Variants in LAMA4 observed in about 807,000 individuals in gnomAD.
LAMA4 encodes the protein laminin subunit alpha 4.
A neutral mutation model predicts 207.1 loss-of-function variants in LAMA4; 127 were observed. The observed-to-expected ratio is 0.61, with a 90% confidence interval of 0.53 to 0.71. LAMA4 has a LOEUF of 0.71. LAMA4 is among the 30% of genes least tolerant of loss of function. LAMA4 has a pLI of 0.00. For synonymous variants in LAMA4, 761 were observed against 816.0 expected (o/e 0.93, Z 1.15); for missense variants, 2,093 against 2,246.5 (o/e 0.93, Z 1.38).
In LAMA4 at chr6:112,121,997, A is replaced by G. The variant is rs1778389706; in HGVS notation, c.4475+17T>C. On this transcript the variant is annotated intron_variant, in intron 32 of 38. Transcript: ENST00000230538. ...GCCATGTCATTAGGAGTCTAGGAGT[A>G]TAGTGTGTTACTTTACTTGGCACCA... 1 of 1,608,194 alleles carries G rather than the reference A, an allele frequency of 6.2e-7. No individual in the cohort carries two copies. The highest frequency in any genetic ancestry group is 8.5e-7 in the Non-Finnish European group (1 of 1,174,826).
At chr6:112,231,102 C>T (rs1453245716) in intron 2 of LAMA4, among the ~76,000 whole-genome samples, 1 of 152,218 alleles carries the variant, frequency 6.6e-6, no homozygotes, top group South Asian at 2.1e-4. Context: ...TCCATCTCTG[C>T]CTTTCCCTGG....
At position 112,118,041 on chromosome 6, in the gene LAMA4, T is replaced by A. The variant is rs1778129006; in HGVS notation, c.4822-143A>T. On this transcript the variant is annotated intron_variant, in intron 34 of 38. Transcript: ENST00000230538. The surrounding 1 kb of genome is among the most constrained non-coding windows in gnomAD (Gnocchi z 4.6). Reference sequence around the variant, plus strand: ...TCAGATATCTGAATGATCAGTACTTTCCTGGATAGTTGCTTTCTAACTGGT... The same window carrying A: ...TCAGATATCTGAATGATCAGTACTTACCTGGATAGTTGCTTTCTAACTGGT... 27 of 698,718 alleles carry A rather than the reference T, an allele frequency of 3.9e-5. No homozygotes were observed. The South Asian group carries it at 4.6e-4, about 12-fold the overall frequency. The allele number at this position is 698,718 out of a possible 1,614,324, so 43.3% of individuals were successfully genotyped here. A position where few individuals can be genotyped will look rare whatever the true frequency, so the allele number is the denominator to read the frequency against.
Position 112,117,772 on chromosome 6 carries a change from A to G in LAMA4, c.4948T>C (p.Tyr1650His), listed in dbSNP as rs1778109463. ...ACGTATCCTCCTTCTGTTGAAAAGT[A>G]AGTTCCTGTTTCCATGGGGCCTTCA... Reference protein sequence around the residue: ...CFEGPMETGTYFSTEGGYVVL... With the variant: ...CFEGPMETGTHFSTEGGYVVL... Residue 1650 changes from tyrosine to histidine, a missense_variant, in exon 35 of 39, where the codon TAC becomes CAC. Coordinates refer to ENST00000230538, the MANE Select transcript of LAMA4 (RefSeq NM_001105206.3). This position sits in a 1 kb window ranked among gnomAD's most constrained non-coding sequence, Gnocchi z 4.5. 1.2e-6 allele frequency: 2 copies of G among 1,613,678 alleles called. No individual in the cohort carries two copies. Among genetic ancestry groups the G allele is most frequent in the African/African-American group, 1.3e-5 (1 of 74,898 alleles).
At chr6:112,161,333 A>T (rs532508232) in intron 13 of LAMA4, among the ~76,000 whole-genome samples, 4 of 152,310 alleles carry the variant, frequency 2.6e-5, no homozygotes, top group African/African-American at 9.6e-5. Flanking sequence ...AGTTTAACTT[A>T]TTTTTGTAAT....
intron 36 of LAMA4, among the ~76,000 whole-genome samples, chr6:112,115,630 G>T (rs1184357229): frequency 3.9e-5 from 6 of 152,040 alleles, no homozygotes; most frequent in Non-Finnish European, 8.8e-5. Flanking sequence ...TGTTATTAGT[G>T]ATTTTTTTGA....
At chr6:112,144,422 A>G (rs1779892043) in intron 19 of LAMA4, among the ~76,000 whole-genome samples, 1 of 152,256 alleles carries the variant, frequency 6.6e-6, no homozygotes, top group South Asian at 2.1e-4. Flanking sequence ...TGTTAAAATA[A>G]CATAAAATAT....
In LAMA4 at chr6:112,118,932, C is replaced by A. The variant is rs587700549; in HGVS notation, c.4821+224G>T. ...ATAATTTATGCCTCTGAAACTTTTT[C>A]ATTTGACATCTACCTTAGAATTGAA... On this transcript the variant is annotated intron_variant, in intron 34 of 38. Transcript: ENST00000230538. This position sits in a 1 kb window ranked among gnomAD's most constrained non-coding sequence, Gnocchi z 4.6. 7.2e-5 allele frequency among the ~76,000 whole-genome samples: 11 copies of A among 152,206 alleles called. No individual in the cohort carries two copies. The highest frequency in any genetic ancestry group is 2.6e-4 in the African/African-American group (11 of 41,530).
chr6:112,175,321 G>T lies in LAMA4; in HGVS notation c.1349C>A (p.Ala450Asp), dbSNP rs376555823. ...RELVDEEADE[A>D]YELLSQAESW... Reference sequence around the variant, plus strand: ...GAGAGGAATACACCTACGTTCGTAAGCCTCATCTGCCTCCTCATCCACGAG... The same window carrying T: ...GAGAGGAATACACCTACGTTCGTAATCCTCATCTGCCTCCTCATCCACGAG... Residue 450 changes from alanine to aspartate, a missense_variant, in exon 11 of 39, where the codon GCT (alanine) becomes GAT (aspartate). Physicochemically the swap from Ala to Asp is moderately radical, Grantham distance 126. Transcript: ENST00000230538. 1.2e-6 allele frequency: 2 copies of T among 1,613,922 alleles called. No homozygotes were observed. Among genetic ancestry groups the T allele is most frequent in the African/African-American group, 2.7e-5 (2 of 74,938 alleles).
At chr6:112,247,127 G>T (rs1787010402) in intron 2 of LAMA4, among the ~76,000 whole-genome samples, 1 of 152,088 alleles carries the variant, frequency 6.6e-6, no homozygotes, top group South Asian at 2.1e-4. Flanking sequence ...AGGAAGGAGG[G>T]ACAGACTGAG....
chr6:112,204,453 G>A lies in LAMA4; in HGVS notation c.422+2568C>T, dbSNP rs369871392. ...TAGAAAGAACCATCTGAGATTGCCT[G>A]CCTAATTCATCTGCTACTGCCAAAA... is the stretch of plus-strand genomic sequence containing the variant. On this transcript the variant is annotated intron_variant, in intron 4 of 38. Coordinates refer to ENST00000230538, the MANE Select transcript of LAMA4 (RefSeq NM_001105206.3). 2.7e-4 allele frequency among the ~76,000 whole-genome samples: 40 copies of A among 150,228 alleles called. No individual in the cohort carries two copies. The South Asian group carries it at 8.5e-3, about 32-fold the overall frequency.
At chr6:112,211,820 G>A (rs991855049) in intron 3 of LAMA4, among the ~76,000 whole-genome samples, 1 of 152,202 alleles carries the variant, frequency 6.6e-6, no homozygotes, top group Non-Finnish European at 1.5e-5. Flanking sequence ...GTGGCTGGAG[G>A]AGAAACTCCT....
At chr6:112,225,640 A>G (rs934036795) in intron 2 of LAMA4, among the ~76,000 whole-genome samples, 2 of 152,170 alleles carry the variant, frequency 1.3e-5, no homozygotes, top group African/African-American at 4.8e-5. Context: ...ACTGTTATAA[A>G]CTTACTCTCT....
intron 33 of LAMA4, among the ~76,000 whole-genome samples, chr6:112,119,849 C>A (rs782434921): frequency 3.0e-4 from 46 of 152,196 alleles, no homozygotes; most frequent in Middle Eastern, 3.2e-3. Context: ...ACATTGCTTA[C>A]TCTTGACATT....
At chr6:112,220,432 T>C (rs1267166580) in intron 2 of LAMA4, among the ~76,000 whole-genome samples, 2 of 152,178 alleles carry the variant, frequency 1.3e-5, no homozygotes, top group Non-Finnish European at 2.9e-5. Flanking sequence ...TTTACATTTA[T>C]GGAAATGAGA....
At chr6:112,211,080 C>T (rs1173172763) in intron 3 of LAMA4, among the ~76,000 whole-genome samples, 4 of 141,844 alleles carry the variant, frequency 2.8e-5, no homozygotes, top group East Asian at 4.2e-4. Flanking sequence ...TCAATGTGCA[C>T]GTGAATCCCC....
chr6:112,238,286 A>G (rs1214056435), intron 2 of LAMA4, among the ~76,000 whole-genome samples: 1 of 152,218 alleles, frequency 6.6e-6, no homozygotes, highest in Admixed American at 6.5e-5. Flanking sequence ...TTGCTGAGGT[A>G]GTGTGCACCT....
Position 112,120,806 on chromosome 6 carries a change from G to A in LAMA4, c.4476-334C>T, listed in dbSNP as rs142106652. 7.9e-4 allele frequency among the ~76,000 whole-genome samples: 120 copies of A among 152,236 alleles called. 2 individuals are homozygous for A. The highest frequency in any genetic ancestry group is 2.8e-3 in the African/African-American group (116 of 41,524). ...GGCCTATAATCCCAGCAATTTGGGAGGATCACTTGAGCCTGGGAGTTCAAG... is the reference window on the plus strand; with the variant it reads ...GGCCTATAATCCCAGCAATTTGGGAAGATCACTTGAGCCTGGGAGTTCAAG... On this transcript the variant is annotated intron_variant, in intron 32 of 38. Transcript: ENST00000230538.
At chr6:112,114,585 A>G in intron 37 of LAMA4, 78 bp downstream of exon 37, 1 of 948,172 alleles carries the variant, frequency 1.1e-6, no homozygotes, top group African/African-American at 1.6e-5. Flanking sequence ...CCTATCATAT[A>G]AGTGATAGCC....
chr6:112,250,541 T>C (rs1190037331), intron 2 of LAMA4, among the ~76,000 whole-genome samples: 1 of 152,202 alleles, frequency 6.6e-6, no homozygotes, highest in African/African-American at 2.4e-5. Flanking sequence ...AAATTCCTCT[T>C]TTCCCCTCTG....
Sources: gnomAD v4.1 joint callset for allele counts (sites outside exome capture counted in the v4.1 genomes callset) on GRCh38, gnomAD v4.1.1 for gene constraint, Gnocchi (gnomAD v3.1) non-coding constraint, MANE v1.5 for transcripts, NCBI Gene and HGNC (gene_info 2026-07-23, HGNC 2026-07-21) for gene names.